OPCML: variants seen among roughly 807,000 people sequenced by gnomAD.
OPCML encodes the protein opioid binding protein/cell adhesion molecule like.
A neutral mutation model predicts 37.8 loss-of-function variants in OPCML; 13 were observed. That is an observed-to-expected ratio of 0.34 (90% confidence interval 0.22 to 0.55). The LOEUF (loss-of-function observed/expected upper bound fraction) is 0.55. OPCML is among the 20% of genes least tolerant of loss of function. OPCML has a pLI of 0.91. For missense variants in OPCML, 341 were observed against 435.6 expected, an observed-to-expected ratio of 0.78 and a Z score of 1.93; for synonymous variants, 176 against 168.8, an observed-to-expected ratio of 1.04 and a Z score of -0.33.
chr11:132,619,174 C>G (rs976489915), intron 3 of OPCML, among the ~76,000 whole-genome samples: 1 of 152,138 alleles, frequency 6.6e-6, no homozygotes, highest in Admixed American at 6.5e-5. Context: ...CAGAGCTTCA[C>G]GTTCCTCAAG....
At chr11:132,665,160 C>T (rs930774182) in intron 2 of OPCML, among the ~76,000 whole-genome samples, 1 of 152,072 alleles carries the variant, frequency 6.6e-6, no homozygotes, top group Non-Finnish European at 1.5e-5. Flanking sequence ...ATGCCTTCAA[C>T]GTGAGGGCCT....
intron 3 of OPCML, among the ~76,000 whole-genome samples, chr11:132,608,669 A>G (rs1019817118): frequency 1.3e-5 from 2 of 152,186 alleles, no homozygotes; most frequent in Admixed American, 1.3e-4. Flanking sequence ...CAATGGTAAT[A>G]ATATAGGACT....
At chr11:132,507,618 A>C (rs1272359042) in intron 4 of OPCML, among the ~76,000 whole-genome samples, 4 of 151,906 alleles carry the variant, frequency 2.6e-5, no homozygotes, top group African/African-American at 9.7e-5. Context: ...AAATTGCCAA[A>C]AAATACTCAC....
At chr11:132,564,019 A>G (rs556616213) in intron 3 of OPCML, among the ~76,000 whole-genome samples, 1 of 152,306 alleles carries the variant, frequency 6.6e-6, no homozygotes, top group African/African-American at 2.4e-5. Context: ...CCTAAAGAAC[A>G]TCAACTCACT....
At chr11:133,322,408 C>T (rs4937767) in intron 1 of OPCML, among the ~76,000 whole-genome samples, 48,238 of 152,070 alleles carry the variant, frequency 0.32, 9,096 homozygotes, top group East Asian at 0.66. Context: ...GTATTCTTTT[C>T]AACTGGGATA....
chr11:133,078,605 C>G (rs367745476), intron 1 of OPCML, among the ~76,000 whole-genome samples: 39 of 152,170 alleles, frequency 2.6e-4, no homozygotes, highest in African/African-American at 9.4e-4. Context: ...CTCCTGCTGT[C>G]TAGGCCCTTG....
At chr11:132,863,134 G>A (rs1177115780) in intron 2 of OPCML, among the ~76,000 whole-genome samples, 1 of 152,008 alleles carries the variant, frequency 6.6e-6, no homozygotes, top group Non-Finnish European at 1.5e-5. Context: ...ACATGGCATG[G>A]GGCGTGATCA....
chr11:132,506,936 A>G (rs574443420), intron 4 of OPCML, among the ~76,000 whole-genome samples: 1 of 152,218 alleles, frequency 6.6e-6, no homozygotes, highest in East Asian at 1.9e-4. Flanking sequence ...GGATTAAAAA[A>G]AAGATAACAG....
At chr11:133,373,424 A>AACATATATATATAT (rs376543665) in intron 1 of OPCML, among the ~76,000 whole-genome samples, 3 of 117,756 alleles carry the variant, frequency 2.5e-5, no homozygotes, top group Non-Finnish European at 5.1e-5. Context: ...ACTTAATTAA[A>AACATATATATATAT]ATATATATAT....
chr11:132,541,920 C>G (rs1484686977), intron 3 of OPCML, among the ~76,000 whole-genome samples: 1 of 152,122 alleles, frequency 6.6e-6, no homozygotes, highest in Admixed American at 6.5e-5. Flanking sequence ...CAGAAGTGGC[C>G]CTCACTTTGA....
chr11:132,830,351 G>A (rs1243349956), intron 2 of OPCML, among the ~76,000 whole-genome samples: 1 of 152,090 alleles, frequency 6.6e-6, no homozygotes, highest in East Asian at 1.9e-4. Flanking sequence ...AAGCGGTGTT[G>A]GACTCTATTC....
chr11:133,291,619 C>T, intron 1 of OPCML, among the ~76,000 whole-genome samples: 1 of 152,248 alleles, frequency 6.6e-6, no homozygotes, highest in East Asian at 1.9e-4. Flanking sequence ...TCTCCCCACA[C>T]TCTTCCCACT....
intron 4 of OPCML, among the ~76,000 whole-genome samples, chr11:132,461,826 G>T (rs917845051): frequency 6.6e-6 from 1 of 152,122 alleles, no homozygotes; most frequent in Admixed American, 6.5e-5. Context: ...AGTGCCAAGC[G>T]AAAGGGGAAA....
At position 132,805,917 on chromosome 11, in the gene OPCML, C is replaced by T. The variant is rs958416331; in HGVS notation, c.146+137009G>A. Among the ~76,000 whole-genome samples, 4 of 152,080 alleles carry T rather than the reference C, an allele frequency of 2.6e-5. No individual in the cohort carries two copies. The East Asian group carries it at 5.8e-4, about 22-fold the overall frequency. ...CTGCTATTTATAGCAAAAATAATAA[C>T]AGTATAAGATGGAATTCAAAACATA... On this transcript the variant is annotated intron_variant, in intron 2 of 7. Coordinates refer to ENST00000524381, the MANE Select transcript of OPCML (RefSeq NM_001012393.5).
At chr11:132,858,698 G>A (rs1305408458) in intron 2 of OPCML, among the ~76,000 whole-genome samples, 1 of 152,190 alleles carries the variant, frequency 6.6e-6, no homozygotes, top group African/African-American at 2.4e-5. Context: ...CAACATGGGT[G>A]ATGAATTCTC....
At chr11:133,491,335 T>G (rs1565664343) in intron 1 of OPCML, among the ~76,000 whole-genome samples, 1 of 152,124 alleles carries the variant, frequency 6.6e-6, no homozygotes, top group African/African-American at 2.4e-5. Context: ...AATGTCTCTT[T>G]CCACTCATTT....
intron 1 of OPCML, among the ~76,000 whole-genome samples, chr11:133,412,064 C>A (rs1055306978): frequency 6.6e-6 from 1 of 152,166 alleles, no homozygotes; most frequent in African/African-American, 2.4e-5. Context: ...CACATTCAAA[C>A]GGTCTAATTT....
intron 1 of OPCML, among the ~76,000 whole-genome samples, chr11:133,154,142 T>A (rs556044286): frequency 5.9e-5 from 9 of 151,874 alleles, no homozygotes; most frequent in African/African-American, 2.2e-4. Context: ...CCCTAGGGGA[T>A]GTGCGGAGCA....
chr11:132,718,206 G>T (rs1443219889), intron 2 of OPCML, among the ~76,000 whole-genome samples: 1 of 152,140 alleles, frequency 6.6e-6, no homozygotes, highest in Non-Finnish European at 1.5e-5. Flanking sequence ...TGTACTCGCA[G>T]GAGATTCTCC....
Sources: gnomAD v4.1 joint callset for allele counts (sites outside exome capture counted in the v4.1 genomes callset) on GRCh38, gnomAD v4.1.1 for gene constraint, MANE v1.5 for transcripts, NCBI Gene and HGNC (gene_info 2026-07-23, HGNC 2026-07-21) for gene names.